RAD51B: variants seen among roughly 807,000 people sequenced by gnomAD.
RAD51B encodes DNA repair protein RAD51 homolog 2.
Under a neutral mutation model 42.2 loss-of-function variants are expected in RAD51B, and 38 were observed. The observed-to-expected ratio is 0.90, with a 90% confidence interval of 0.70 to 1.18. The LOEUF (loss-of-function observed/expected upper bound fraction) is 1.18, where lower values mean the gene tolerates loss of function less well. Among genes scored for constraint, RAD51B ranks in the 50% most tolerant of loss-of-function variants. RAD51B has a pLI of 0.00. For missense variants in RAD51B, 373 were observed against 400.7 expected, an observed-to-expected ratio of 0.93 and a Z score of 0.59; for synonymous variants, 154 against 145.2, an observed-to-expected ratio of 1.06 and a Z score of -0.43.
chr14:68,450,797 G>T (rs904789412), intron 9 of RAD51B, among the ~76,000 whole-genome samples: 1 of 152,202 alleles, frequency 6.6e-6, no homozygotes, highest in Non-Finnish European at 1.5e-5. Flanking sequence ...AAAATTAATT[G>T]TTTGTTGGGA....
At chr14:68,362,909 T>C (rs1314861884) in intron 8 of RAD51B, among the ~76,000 whole-genome samples, 2 of 151,928 alleles carry the variant, frequency 1.3e-5, no homozygotes, top group Non-Finnish European at 2.9e-5. Context: ...TTCTCACTTT[T>C]ATCTCTAGTT....
intron 10 of RAD51B, among the ~76,000 whole-genome samples, chr14:68,561,649 G>A (rs1411393171): frequency 3.3e-5 from 5 of 152,216 alleles, no homozygotes; most frequent in Admixed American, 6.5e-5. Flanking sequence ...AGGGTTCCAC[G>A]TGGCAACGCT....
At chr14:68,592,461 CAT>C (rs1890796607) in intron 10 of RAD51B, among the ~76,000 whole-genome samples, 1 of 152,152 alleles carries the variant, frequency 6.6e-6, no homozygotes, top group South Asian at 2.1e-4. Flanking sequence ...CATATTATCT[CAT>C]AATTCTCAAA....
intron 7 of RAD51B, among the ~76,000 whole-genome samples, chr14:68,222,199 C>T (rs2079943054): frequency 6.6e-6 from 1 of 152,024 alleles, no homozygotes; most frequent in East Asian, 1.9e-4. Context: ...GAAAAGAAGT[C>T]ATTATATAAA....
chr14:68,152,369 C>T (rs1256938407), intron 7 of RAD51B, among the ~76,000 whole-genome samples: 1 of 152,058 alleles, frequency 6.6e-6, no homozygotes, highest in Admixed American at 6.6e-5. Context: ...TTGACAGATA[C>T]GTTGAGAATG....
At chr14:68,666,306 C>A (rs1391297232) in intron 11 of RAD51B, among the ~76,000 whole-genome samples, 1 of 152,192 alleles carries the variant, frequency 6.6e-6, no homozygotes, top group Non-Finnish European at 1.5e-5. Context: ...CATTGGATTT[C>A]CCCTTTGCTA....
chr14:68,614,925 T>A (rs1891794507), downstream of RAD51B, among the ~76,000 whole-genome samples: 1 of 152,162 alleles, frequency 6.6e-6, no homozygotes, highest in Non-Finnish European at 1.5e-5. Context: ...TTTCTTGGAG[T>A]GCACTGGCAT....
At chr14:67,869,514 A>G (rs1456684002) in intron 5 of RAD51B, among the ~76,000 whole-genome samples, 8 of 152,240 alleles carry the variant, frequency 5.3e-5, no homozygotes, top group Non-Finnish European at 1.0e-4. Flanking sequence ...AACACTCTGC[A>G]GGATATTATC....
At chr14:67,911,143 G>T (rs1333051572) in intron 7 of RAD51B, among the ~76,000 whole-genome samples, 2 of 152,150 alleles carry the variant, frequency 1.3e-5, no homozygotes, top group African/African-American at 4.8e-5. Flanking sequence ...AAATAGAGCA[G>T]AGACAGATGG....
At chr14:68,473,617 A>T (rs549578242) in intron 10 of RAD51B, among the ~76,000 whole-genome samples, 10 of 152,278 alleles carry the variant, frequency 6.6e-5, no homozygotes, top group South Asian at 2.1e-4. Flanking sequence ...ATGAAAAAAA[A>T]TTTTAAATAC....
chr14:67,921,141 C>G (rs1040438715), intron 7 of RAD51B, among the ~76,000 whole-genome samples: 1 of 152,206 alleles, frequency 6.6e-6, no homozygotes, highest in African/African-American at 2.4e-5. Flanking sequence ...ACAACCCTAA[C>G]AGATTCCTGA....
At chr14:67,961,683 T>G (rs546903427) in intron 7 of RAD51B, among the ~76,000 whole-genome samples, 4 of 152,358 alleles carry the variant, frequency 2.6e-5, no homozygotes, top group African/African-American at 9.6e-5. Flanking sequence ...TACCGTTTCC[T>G]TGCTTAGACA....
intron 7 of RAD51B, among the ~76,000 whole-genome samples, chr14:68,288,143 A>G (rs2081448404): frequency 6.6e-6 from 1 of 152,218 alleles, no homozygotes; most frequent in Non-Finnish European, 1.5e-5. Context: ...ATAAATTATA[A>G]TAGTATTTCA....
In RAD51B at chr14:68,201,825, A is replaced by ACC. The variant is rs2079491701; in HGVS notation, c.757-90059_757-90058insCC. Among the ~76,000 whole-genome samples the ACC allele has an allele frequency of 5.9e-5, 9 of 152,330 alleles. No homozygotes were observed. The South Asian group carries it at 1.9e-3, about 32-fold the overall frequency. Reference sequence around the variant, plus strand: ...TAGTCAATGACCGTTTTTTGAGAATATTGATAAAAAGGCATTTAAGATATG... The same window carrying ACC: ...TAGTCAATGACCGTTTTTTGAGAATACCTTGATAAAAAGGCATTTAAGATATG... On this transcript the variant is annotated intron_variant, in intron 7 of 10. Transcript: ENST00000471583.
rs1365959161 is a variant in RAD51B, at chr14:68,280,883, C to T, written c.757-11001C>T. 2.6e-5 allele frequency among the ~76,000 whole-genome samples: 4 copies of T among 152,066 alleles called. No homozygotes were observed. In the East Asian group the frequency reaches 7.7e-4, roughly 29 times the overall value. ...AGCCTGGGCTGGGAACATAGGGAAA[C>T]TCCGTCTCTACAAAAAATAAAACAT... is the stretch of plus-strand genomic sequence containing the variant. On this transcript the variant is annotated intron_variant, in intron 7 of 10. Coordinates refer to ENST00000471583, the MANE Select transcript of RAD51B (RefSeq NM_133510.4).
At chr14:68,371,056 G>T (rs3074457) in intron 8 of RAD51B, among the ~76,000 whole-genome samples, 7 of 90,670 alleles carry the variant, frequency 7.7e-5, no homozygotes, top group Non-Finnish European at 1.2e-4. Flanking sequence ...AAAAAAAAAA[G>T]AAAAAAAGAA....
intron 7 of RAD51B, among the ~76,000 whole-genome samples, chr14:68,077,318 G>A (rs2076849465): frequency 6.6e-6 from 1 of 152,130 alleles, no homozygotes; most frequent in Admixed American, 6.5e-5. Context: ...CTGGATGATT[G>A]CCAGAATGTA....
chr14:68,295,119 T>C (rs1186745413), intron 8 of RAD51B, among the ~76,000 whole-genome samples: 10 of 152,180 alleles, frequency 6.6e-5, no homozygotes, highest in African/African-American at 2.4e-4. Context: ...AAAATTCAGT[T>C]TGCCCTCTCA....
intron 7 of RAD51B, among the ~76,000 whole-genome samples, chr14:68,074,178 G>T (rs1026785885): frequency 6.6e-6 from 1 of 151,874 alleles, no homozygotes; most frequent in Admixed American, 6.6e-5. Context: ...TTGTTGATTT[G>T]GTCTCTTTAC....
Sources: allele counts gnomAD v4.1 joint callset (sites outside exome capture counted in the v4.1 genomes callset), GRCh38; gene constraint gnomAD v4.1.1; transcripts MANE v1.5; gene names NCBI Gene and HGNC (gene_info 2026-07-23, HGNC 2026-07-21).